The following DSCAM variants were observed in gnomAD, a reference collection of about 807,000 sequenced individuals.
DSCAM encodes cell adhesion molecule DSCAM.
DSCAM carries 47 observed loss-of-function variants against 217.7 expected under a neutral mutation model. The ratio of observed to expected loss-of-function variants is 0.22; its 90% CI spans 0.17 to 0.28. The LOEUF (loss-of-function observed/expected upper bound fraction) is 0.28, where lower values mean the gene tolerates loss of function less well. Among genes scored for constraint, DSCAM ranks in the 10% least tolerant of loss-of-function variants. The probability of loss-of-function intolerance (pLI) is 1.00; values close to 1 mark genes in which losing one functional copy is unlikely to be tolerated. For missense variants in DSCAM, 2,080 were observed against 2,618.3 expected (o/e 0.79, Z 4.49); for synonymous variants, 1,056 against 1,015.3 (o/e 1.04, Z -0.76).
At chr21:40,297,456 C>T (rs1170364288) in intron 9 of DSCAM, among the ~76,000 whole-genome samples, 1 of 152,132 alleles carries the variant, frequency 6.6e-6, no homozygotes, top group Non-Finnish European at 1.5e-5. Flanking sequence ...ATAGTAGATA[C>T]TTAGAAATTC....
chr21:40,268,764 C>T (rs1220062405), intron 11 of DSCAM, among the ~76,000 whole-genome samples: 1 of 152,072 alleles, frequency 6.6e-6, no homozygotes, highest in African/African-American at 2.4e-5. Flanking sequence ...GCTTGGCCAA[C>T]ATGGTGAAAC....
At chr21:40,147,474 G>T (rs1306935164) in intron 16 of DSCAM, among the ~76,000 whole-genome samples, 1 of 152,150 alleles carries the variant, frequency 6.6e-6, no homozygotes, top group Admixed American at 6.6e-5. Flanking sequence ...AAAAGAAAAA[G>T]AAAATTCTTT....
At chr21:40,347,071 CG>C (rs1555907831) in intron 6 of DSCAM, among the ~76,000 whole-genome samples, 1 of 152,032 alleles carries the variant, frequency 6.6e-6, no homozygotes, top group Non-Finnish European at 1.5e-5. Context: ...GGGGCCGAGG[CG>C]GGCAGATCAC....
intron 28 of DSCAM, among the ~76,000 whole-genome samples, chr21:40,062,620 C>G (rs989638673): frequency 3.9e-5 from 6 of 152,170 alleles, no homozygotes; most frequent in African/African-American, 1.4e-4. Flanking sequence ...AATGGGAAGC[C>G]TTCTATTGGT....
At chr21:40,255,889 C>A (rs374109990) in intron 11 of DSCAM, among the ~76,000 whole-genome samples, 1 of 152,200 alleles carries the variant, frequency 6.6e-6, no homozygotes, top group African/African-American at 2.4e-5. Context: ...AAAATTCTCT[C>A]CCAGGTCCTC....
chr21:40,691,886 AG>A lies in DSCAM; in HGVS notation c.508+923del, dbSNP rs375877978. ...ACCTCTCTAGCTAATCAATAAGCTG[AG>A]AAACAAAAACGGTGTGTCACCGTGA... On this transcript the variant is annotated intron_variant, in intron 3 of 32. Coordinates refer to ENST00000400454, the MANE Select transcript of DSCAM (RefSeq NM_001389.5). Among the ~76,000 whole-genome samples the A allele has an allele frequency of 4.8e-3, 732 of 152,376 alleles. 3 individuals carry two copies. Among genetic ancestry groups the A allele is most frequent in the African/African-American group, 0.017 (692 of 41,588 alleles).
At chr21:40,430,157 C>G (rs1216347234) in intron 3 of DSCAM, among the ~76,000 whole-genome samples, 1 of 152,200 alleles carries the variant, frequency 6.6e-6, no homozygotes, top group Non-Finnish European at 1.5e-5. Flanking sequence ...ATCTTCATAC[C>G]TTCACTCACA....
intron 1 of DSCAM, among the ~76,000 whole-genome samples, chr21:40,731,393 A>G (rs534401699): frequency 5.4e-4 from 82 of 152,304 alleles, no homozygotes; most frequent in African/African-American, 1.9e-3. Flanking sequence ...TCCTCATGAT[A>G]AGGAGGGGAA....
rs191822099 is a variant in DSCAM at position 40,511,842 on chromosome 21, T to A, written c.509-142597A>T. Among the ~76,000 whole-genome samples, 1,401 of 151,500 alleles carry A rather than the reference T, an allele frequency of 9.2e-3. 23 individuals are homozygous for A. Among genetic ancestry groups the A allele is most frequent in the African/African-American group, 0.032 (1,325 of 41,222 alleles). ...CCGTCTCTATTAAAAATACAAAAAA[T>A]TAGCCGGGCGTGGTGGCAGGCGCCT... On this transcript the variant is annotated intron_variant, in intron 3 of 32. Coordinates refer to ENST00000400454, the MANE Select transcript of DSCAM (RefSeq NM_001389.5).
At chr21:40,603,500 G>A (rs929722338) in intron 3 of DSCAM, among the ~76,000 whole-genome samples, 69 of 152,086 alleles carry the variant, frequency 4.5e-4, no homozygotes, top group Non-Finnish European at 8.2e-4. Flanking sequence ...TTATTCCTAC[G>A]AAGCTCCTCC....
At chr21:40,554,847 G>A (rs927861105) in intron 3 of DSCAM, among the ~76,000 whole-genome samples, 9 of 151,918 alleles carry the variant, frequency 5.9e-5, no homozygotes, top group African/African-American at 2.2e-4. Flanking sequence ...CCAACATGTT[G>A]TACTGGAATT....
chr21:40,571,930 A>G (rs149468405), intron 3 of DSCAM, among the ~76,000 whole-genome samples: 439 of 152,356 alleles, frequency 2.9e-3, no homozygotes, highest in Non-Finnish European at 5.1e-3. Flanking sequence ...GGCATTCCAA[A>G]GAAATCCTCA....
chr21:40,535,644 C>T (rs945403526), intron 3 of DSCAM, among the ~76,000 whole-genome samples: 8 of 152,174 alleles, frequency 5.3e-5, no homozygotes, highest in Non-Finnish European at 1.0e-4. Context: ...CACTGTGCTA[C>T]GTGCAGAGGA....
chr21:40,430,415 A>C (rs1222926287), intron 3 of DSCAM, among the ~76,000 whole-genome samples: 1 of 152,226 alleles, frequency 6.6e-6, no homozygotes, highest in African/African-American at 2.4e-5. Context: ...GCAAATATTA[A>C]GCAGGCAGAA....
rs566742536 is a variant in DSCAM at position 40,534,981 on chromosome 21, C to T, written c.508+157829G>A. Among the ~76,000 whole-genome samples the T allele has an allele frequency of 3.9e-3, 596 of 152,182 alleles. 1 individual carries two copies. The highest frequency in any genetic ancestry group is 0.013 in the African/African-American group (533 of 41,526). On this transcript the variant is annotated intron_variant, in intron 3 of 32. Coordinates refer to ENST00000400454, the MANE Select transcript of DSCAM (RefSeq NM_001389.5). ...GCTTGGGGCAAGAGGATGGACTTTT[C>T]TGATAGACATACCTGGGTCTGACTT...
chr21:40,517,404 AACACACACACACACAC>A (rs3070750), intron 3 of DSCAM, among the ~76,000 whole-genome samples: 1 of 144,680 alleles, frequency 6.9e-6, no homozygotes, highest in Non-Finnish European at 1.5e-5. Context: ...ACACACAAGC[AACACACACACACACAC>A]ACACACACAC....
At position 40,170,301 on chromosome 21, in the gene DSCAM, GTC is replaced by G. The variant is rs577074917; in HGVS notation, c.2948-3015_2948-3014del. Among the ~76,000 whole-genome samples, 131 of 152,312 alleles carry G rather than the reference GTC, an allele frequency of 8.6e-4. 1 individual carries two copies. Among genetic ancestry groups the G allele is most frequent in the African/African-American group, 3.0e-3 (125 of 41,564 alleles). ...TATGTTTGCGTGTCTGTCTTTGCAT[GTC>G]TCTGGTCACCCAGCAGACTCTACAT... On this transcript the variant is annotated intron_variant, in intron 15 of 32. Coordinates refer to ENST00000400454, the MANE Select transcript of DSCAM (RefSeq NM_001389.5).
At chr21:40,093,428 G>A (rs972334737) in intron 21 of DSCAM, among the ~76,000 whole-genome samples, 1 of 152,158 alleles carries the variant, frequency 6.6e-6, no homozygotes, top group Non-Finnish European at 1.5e-5. Flanking sequence ...GGAAAATGCC[G>A]TGTAATGATT....
chr21:40,192,536 A>G (rs73364140), intron 11 of DSCAM, among the ~76,000 whole-genome samples: 8,918 of 152,228 alleles, frequency 0.059, 613 homozygotes, highest in African/African-American at 0.17. Flanking sequence ...CCCTAGTCGC[A>G]TAGGACTGTG....
Sources: allele counts gnomAD v4.1 joint callset (sites outside exome capture counted in the v4.1 genomes callset), GRCh38; gene constraint gnomAD v4.1.1; transcripts MANE v1.5; gene names NCBI Gene and HGNC (gene_info 2026-07-23, HGNC 2026-07-21).